The following DPP6 variants were observed in gnomAD, a reference collection of about 807,000 sequenced individuals.
DPP6 encodes A-type potassium channel modulatory protein DPP6.
Under a neutral mutation model 122.6 loss-of-function variants are expected in DPP6, and 69 were observed. The ratio of observed to expected loss-of-function variants is 0.56; its 90% confidence interval spans 0.46 to 0.69. The LOEUF (loss-of-function observed/expected upper bound fraction) is 0.69, where lower values mean the gene tolerates loss of function less well. Ranked by LOEUF, DPP6 falls within the 30% of genes least tolerant of loss-of-function variation. The pLI is 0.00. For synonymous variants in DPP6, 418 were observed against 433.1 expected, an observed-to-expected ratio of 0.97 and a Z score of 0.43; for missense variants, 928 against 1,116.9, an observed-to-expected ratio of 0.83 and a Z score of 2.41.
intron 1 of DPP6, chr7:154,305,615 T>G: frequency 6.5e-7 from 1 of 1,541,606 alleles, no homozygotes; most frequent in Non-Finnish European, 8.8e-7. Context: ...TGCATATGTG[T>G]GTGCATGAGA....
chr7:154,250,515 G>A (rs968308022), intron 1 of DPP6, among the ~76,000 whole-genome samples: 2 of 152,104 alleles, frequency 1.3e-5, no homozygotes, highest in Non-Finnish European at 2.9e-5. Flanking sequence ...GTGAATTCAA[G>A]TAGGAGACAA....
chr7:154,687,699 A>G (rs748108584), intron 7 of DPP6, among the ~76,000 whole-genome samples: 2 of 152,198 alleles, frequency 1.3e-5, no homozygotes, highest in African/African-American at 4.8e-5. Context: ...ATTGATTTCA[A>G]TGCAATTTAT....
chr7:154,689,669 T>G (rs1055973646), intron 7 of DPP6, among the ~76,000 whole-genome samples: 1 of 152,222 alleles, frequency 6.6e-6, no homozygotes, highest in Non-Finnish European at 1.5e-5. Flanking sequence ...GGTAGGTACT[T>G]AAGTAGGTAC....
intron 1 of DPP6, among the ~76,000 whole-genome samples, chr7:154,126,148 T>G (rs1044344268): frequency 1.3e-5 from 2 of 152,202 alleles, no homozygotes. Flanking sequence ...TTCAAACATC[T>G]TCAATATTCA....
chr7:153,986,088 GT>G (rs1171829506), intron 1 of DPP6, among the ~76,000 whole-genome samples: 6 of 152,306 alleles, frequency 3.9e-5, no homozygotes, highest in Non-Finnish European at 8.8e-5. Flanking sequence ...ACAGAAAAAT[GT>G]TTTTGTTTCC....
At chr7:154,401,141 G>A (rs1003728261) in intron 1 of DPP6, among the ~76,000 whole-genome samples, 1 of 151,586 alleles carries the variant, frequency 6.6e-6, no homozygotes, top group Non-Finnish European at 1.5e-5. Context: ...AGGGTGCAGT[G>A]AGCCAAGGTC....
intron 1 of DPP6, among the ~76,000 whole-genome samples, chr7:154,367,089 A>G (rs1166343873): frequency 2.0e-5 from 3 of 152,074 alleles, no homozygotes; most frequent in Non-Finnish European, 4.4e-5. Context: ...TCCATGTCCC[A>G]TTGGAGTTGT....
chr7:154,033,343 T>C (rs189974845), intron 1 of DPP6, among the ~76,000 whole-genome samples: 44 of 152,324 alleles, frequency 2.9e-4, no homozygotes, highest in African/African-American at 7.5e-4. Context: ...TCTCTCTCTT[T>C]TCCTTTCTTT....
intron 12 of DPP6, among the ~76,000 whole-genome samples, chr7:154,799,601 C>T (rs954189766): frequency 6.6e-6 from 1 of 152,004 alleles, no homozygotes. Flanking sequence ...GGGGGTTGGA[C>T]AAAATTATTA....
chr7:154,708,314 ATC>A (rs974795716), intron 7 of DPP6, among the ~76,000 whole-genome samples: 7 of 152,170 alleles, frequency 4.6e-5, no homozygotes, highest in Admixed American at 3.9e-4. Context: ...TCTTCATGTA[ATC>A]TCTGCAAGAA....
At chr7:154,799,369 A>G (rs1798221129) in intron 12 of DPP6, among the ~76,000 whole-genome samples, 1 of 152,054 alleles carries the variant, frequency 6.6e-6, no homozygotes, top group South Asian at 2.1e-4. Context: ...GAAGCAGGCA[A>G]TCCCCCCTGC....
intron 1 of DPP6, among the ~76,000 whole-genome samples, chr7:154,023,863 CA>C (rs1397405467): frequency 6.6e-6 from 1 of 150,880 alleles, no homozygotes; most frequent in Non-Finnish European, 1.5e-5. Flanking sequence ...TTTAATTATG[CA>C]AAAATTGAGA....
intron 1 of DPP6, among the ~76,000 whole-genome samples, chr7:154,291,711 A>C (rs1027845022): frequency 2.6e-5 from 4 of 152,170 alleles, no homozygotes; most frequent in Non-Finnish European, 5.9e-5. Context: ...TTGGCTACAG[A>C]TTGGCTGTTG....
chr7:154,826,609 C>T (rs1584811718), intron 16 of DPP6, among the ~76,000 whole-genome samples: 1 of 152,188 alleles, frequency 6.6e-6, no homozygotes, highest in Non-Finnish European at 1.5e-5. Context: ...GGAACAACAA[C>T]CTTCTCCTCG....
At position 154,253,086 on chromosome 7, in the gene DPP6, A is replaced by G. The variant is rs73165284; in HGVS notation, c.244-193128A>G. The stretch of plus-strand genomic sequence containing the variant: ...GTGCAGAGTAAACGCATGTATATAC[A>G]ATTAATTCCAAGGCCAAAGGGAGTG... On this transcript the variant is annotated intron_variant, in intron 1 of 25. Transcript: ENST00000377770. Among the ~76,000 whole-genome samples the G allele has an allele frequency of 9.1e-3, 1,381 of 152,384 alleles. 12 individuals are homozygous for G. Among genetic ancestry groups the G allele is most frequent in the Middle Eastern group, 0.034 (10 of 294 alleles).
At chr7:154,217,812 G>A (rs996204104) in intron 1 of DPP6, among the ~76,000 whole-genome samples, 6 of 152,120 alleles carry the variant, frequency 3.9e-5, no homozygotes, top group African/African-American at 1.4e-4. Context: ...AAAGAGCCCT[G>A]CTGTGACCAC....
At chr7:154,368,741 A>T (rs1812392952) in intron 1 of DPP6, among the ~76,000 whole-genome samples, 1 of 152,250 alleles carries the variant, frequency 6.6e-6, no homozygotes, top group African/African-American at 2.4e-5. Context: ...AAGATTCATT[A>T]GATGAATTAA....
intron 10 of DPP6, among the ~76,000 whole-genome samples, chr7:154,779,016 C>T (rs1448593348): frequency 8.8e-3 from 8 of 910 alleles, no homozygotes; most frequent in African/African-American, 0.029. Context: ...CACCAGCACC[C>T]CACCATCACC....
intron 1 of DPP6, among the ~76,000 whole-genome samples, chr7:154,074,104 G>GATAGATATATAGAGATCTAT (rs1266353145): frequency 4.4e-4 from 36 of 81,790 alleles, no homozygotes; most frequent in African/African-American, 1.4e-3. Context: ...TCTATATAGA[G>GATAGATATATAGAGATCTAT]ATAGAGAGAT....
Sources: gnomAD v4.1 joint callset for allele counts (sites outside exome capture counted in the v4.1 genomes callset) on GRCh38, gnomAD v4.1.1 for gene constraint, MANE v1.5 for transcripts, NCBI Gene and HGNC (gene_info 2026-07-23, HGNC 2026-07-21) for gene names.